SMC6: variants seen among roughly 807,000 people sequenced by gnomAD.
The protein encoded by SMC6 is structural maintenance of chromosomes 6.
A neutral mutation model predicts 142.2 loss-of-function variants in SMC6; 79 were observed. That is an observed-to-expected ratio of 0.56 (90% CI 0.46 to 0.67). The LOEUF (loss-of-function observed/expected upper bound fraction) is 0.67. Among genes scored for constraint, SMC6 ranks in the 30% least tolerant of loss-of-function variants. The pLI is 0.00. For synonymous variants in SMC6, 411 were observed against 412.4 expected, an observed-to-expected ratio of 1.00 and a Z score of 0.04; for missense variants, 1,072 against 1,284.0, an observed-to-expected ratio of 0.83 and a Z score of 2.52.
At chr2:17,722,681 A>T (rs1669431906) in intron 9 of SMC6, among the ~76,000 whole-genome samples, 1 of 152,188 alleles carries the variant, frequency 6.6e-6, no homozygotes, top group Non-Finnish European at 1.5e-5. Flanking sequence ...CAATTCATGT[A>T]GTGTCGGACC....
chr2:17,676,509 G>C (rs909930161), intron 25 of SMC6, among the ~76,000 whole-genome samples: 1 of 152,032 alleles, frequency 6.6e-6, no homozygotes, highest in Non-Finnish European at 1.5e-5. Context: ...CATTTTCAAA[G>C]TTGTTTTGGC....
At chr2:17,749,062 G>A (rs529192304) in intron 2 of SMC6, among the ~76,000 whole-genome samples, 52 of 152,204 alleles carry the variant, frequency 3.4e-4, no homozygotes, top group African/African-American at 1.2e-3. Flanking sequence ...TTTAAAATAG[G>A]AATCACTTTG....
intron 27 of SMC6, among the ~76,000 whole-genome samples, chr2:17,665,957 G>T (rs954012756): frequency 3.3e-5 from 5 of 152,074 alleles, no homozygotes. Context: ...TAATCACATG[G>T]CCACTTTAGA....
intron 16 of SMC6, among the ~76,000 whole-genome samples, chr2:17,712,579 G>C (rs566928342): frequency 6.6e-6 from 1 of 152,134 alleles, no homozygotes; most frequent in South Asian, 2.1e-4. Context: ...TACTCCTTAC[G>C]AGCTAGGCAT....
intron 25 of SMC6, among the ~76,000 whole-genome samples, chr2:17,672,449 T>C (rs1419513463): frequency 6.6e-6 from 1 of 152,174 alleles, no homozygotes; most frequent in Non-Finnish European, 1.5e-5. Context: ...ATTACAGTAA[T>C]AGTTTTTATA....
chr2:17,743,895 C>T (rs994470981), intron 3 of SMC6, among the ~76,000 whole-genome samples: 6 of 152,094 alleles, frequency 3.9e-5, no homozygotes, highest in Non-Finnish European at 5.9e-5. Context: ...GTTTAAGGTT[C>T]CTCTATGTCT....
intron 9 of SMC6, among the ~76,000 whole-genome samples, chr2:17,721,999 C>A (rs1030150596): frequency 6.6e-6 from 1 of 152,150 alleles, no homozygotes; most frequent in African/African-American, 2.4e-5. Flanking sequence ...ATTCTGTCCA[C>A]CTGGGTAGAC....
At chr2:17,675,366 A>C (rs1422184925) in intron 25 of SMC6, among the ~76,000 whole-genome samples, 1 of 152,060 alleles carries the variant, frequency 6.6e-6, no homozygotes, top group African/African-American at 2.4e-5. Context: ...TTGGGTGTCT[A>C]TTCAGCAATA....
chr2:17,696,487 G>T, intron 21 of SMC6, 61 bp from the exon 22 acceptor site: 4 of 1,532,082 alleles, frequency 2.6e-6, no homozygotes, highest in Non-Finnish European at 1.8e-6. Context: ...TAGGTATAAA[G>T]ATAATAAACA....
intron 23 of SMC6, among the ~76,000 whole-genome samples, chr2:17,690,263 C>CA (rs1184145922): frequency 1.3e-5 from 2 of 152,108 alleles, no homozygotes; most frequent in African/African-American, 4.8e-5. Context: ...GAAAGAACAT[C>CA]ATAAAGCCAC....
intron 23 of SMC6, among the ~76,000 whole-genome samples, chr2:17,688,919 C>G (rs1484059230): frequency 6.6e-6 from 1 of 152,160 alleles, no homozygotes; most frequent in Non-Finnish European, 1.5e-5. Flanking sequence ...TTGAAAACTC[C>G]TCATTTTGCA....
chr2:17,700,451 A>C, intron 20 of SMC6, 73 bp from the exon 21 acceptor site: 10 of 1,244,434 alleles, frequency 8.0e-6, no homozygotes, highest in Non-Finnish European at 1.1e-5. Context: ...ACATAAAAAT[A>C]ATTCTGAGAG....
chr2:17,726,124 G>GTTA (rs1344248073), intron 8 of SMC6, among the ~76,000 whole-genome samples: 1 of 124,888 alleles, frequency 8.0e-6, no homozygotes, highest in African/African-American at 3.5e-5. Flanking sequence ...AGATTTACAA[G>GTTA]TTATTATGTA....
chr2:17,680,308 G>A (rs1667183863), intron 24 of SMC6: 1 of 152,134 alleles, frequency 6.6e-6, no homozygotes, highest in Non-Finnish European at 1.5e-5. Context: ...CAAAAAAGGC[G>A]AATATTGCAA....
intron 2 of SMC6, among the ~76,000 whole-genome samples, chr2:17,747,354 T>C (rs1670803966): frequency 6.6e-6 from 1 of 152,186 alleles, no homozygotes; most frequent in Admixed American, 6.5e-5. Flanking sequence ...AAGTTCCAGA[T>C]CTGAGTCTCT....
chr2:17,728,711 G>A (rs1015307783), intron 7 of SMC6, among the ~76,000 whole-genome samples: 9 of 151,840 alleles, frequency 5.9e-5, no homozygotes, highest in Non-Finnish European at 1.3e-4. Flanking sequence ...GGTTATGCTA[G>A]ACCAACAATG....
intron 2 of SMC6, 167 bp from the exon 3 acceptor site, chr2:17,746,118 C>T (rs1670733646): frequency 3.2e-6 from 2 of 630,972 alleles, no homozygotes; most frequent in African/African-American, 3.8e-5. Flanking sequence ...GGAAGAGGGA[C>T]ATGAGTCAAA....
intron 3 of SMC6, among the ~76,000 whole-genome samples, chr2:17,742,350 G>C (rs1670515736): frequency 6.6e-6 from 1 of 152,118 alleles, no homozygotes; most frequent in South Asian, 2.1e-4. Flanking sequence ...TTGTGACTTT[G>C]TCACTTATTA....
chr2:17,716,671 T>C, intron 14 of SMC6, 70 bp downstream of exon 14: 2 of 1,456,902 alleles, frequency 1.4e-6, no homozygotes, highest in Non-Finnish European at 1.9e-6. Flanking sequence ...TTTGCTCTCT[T>C]CATACAAGAA....
Sources: gnomAD v4.1 joint callset for allele counts (sites outside exome capture counted in the v4.1 genomes callset) on GRCh38, gnomAD v4.1.1 for gene constraint, MANE v1.5 for transcripts, NCBI Gene and HGNC (gene_info 2026-07-23, HGNC 2026-07-21) for gene names.